DPP6: variants seen among roughly 807,000 people sequenced by gnomAD.
The protein encoded by DPP6 is dipeptidyl peptidase like 6, also known as A-type potassium channel modulatory protein DPP6.
In DPP6, 69 loss-of-function variants were observed where a neutral mutation model predicts 122.6. That is an observed-to-expected ratio of 0.56 (90% CI 0.46 to 0.69). The LOEUF (loss-of-function observed/expected upper bound fraction) is 0.69, where lower values mean the gene tolerates loss of function less well. Among genes scored for constraint, DPP6 ranks in the 30% least tolerant of loss-of-function variants. DPP6 has a pLI of 0.00. For synonymous variants in DPP6, 418 were observed against 433.1 expected, an observed-to-expected ratio of 0.97 and a Z score of 0.43; for missense variants, 928 against 1,116.9, an observed-to-expected ratio of 0.83 and a Z score of 2.41.
chr7:154,293,875 G>C (rs1417902866), intron 1 of DPP6, among the ~76,000 whole-genome samples: 1 of 152,098 alleles, frequency 6.6e-6, no homozygotes, highest in Non-Finnish European at 1.5e-5. Context: ...TTCTCTCCCT[G>C]ATACACACAT....
intron 10 of DPP6, among the ~76,000 whole-genome samples, chr7:154,789,492 C>T (rs2150418233): frequency 6.6e-6 from 1 of 152,334 alleles, no homozygotes; most frequent in African/African-American, 2.4e-5. Context: ...TGTCTGGTTT[C>T]ACCAGTGCCA....
intron 1 of DPP6, among the ~76,000 whole-genome samples, chr7:154,022,246 C>T (rs1798739537): frequency 6.6e-6 from 1 of 152,162 alleles, no homozygotes. Context: ...TGTCACCAGA[C>T]TCTTTCTTAA....
rs968786032 is a variant in DPP6, at chr7:154,196,999, A to G, written c.243+143936A>G. 4.6e-5 allele frequency among the ~76,000 whole-genome samples: 7 copies of G among 151,886 alleles called. No individual in the cohort carries two copies. In the South Asian group the frequency reaches 6.2e-4, roughly 14 times the overall value. On this transcript the variant is annotated intron_variant, in intron 1 of 25. Coordinates refer to ENST00000377770, the MANE Select transcript of DPP6 (RefSeq NM_130797.4). Reference sequence around the variant, plus strand: ...TCTCCTCTTTAATCTCCAAGTTTCTATGTTTTGGGGCTCTGAGTCTCTTCT... The same window carrying G: ...TCTCCTCTTTAATCTCCAAGTTTCTGTGTTTTGGGGCTCTGAGTCTCTTCT...
In DPP6 at chr7:154,821,403, G is replaced by A. The variant is rs1238689463; in HGVS notation, c.1666+14291G>A. Among the ~76,000 whole-genome samples the A allele has an allele frequency of 6.6e-6, 1 of 151,712 alleles. No homozygotes were observed. Among genetic ancestry groups the A allele is most frequent in the Non-Finnish European group, 1.5e-5 (1 of 67,996 alleles). On this transcript the variant is annotated intron_variant, in intron 16 of 25. Coordinates refer to ENST00000377770, the MANE Select transcript of DPP6 (RefSeq NM_130797.4). The surrounding 1 kb of genome is among the most constrained non-coding windows in gnomAD (Gnocchi z 4.2). ...TTTGCCACTAGATCCAACATGGATAGACAGATAATAGATGAGAGGGAAATG... is the reference window on the plus strand; with the variant it reads ...TTTGCCACTAGATCCAACATGGATAAACAGATAATAGATGAGAGGGAAATG...
In DPP6 at chr7:154,644,777, C is replaced by T. The variant is rs531236107; in HGVS notation, c.680+6904C>T. ...AGGTTGAAGTGCAGTGGCGCGATCTCGGCTCACTTCACCCTCCACCTCCCA... is the reference window on the plus strand; with the variant it reads ...AGGTTGAAGTGCAGTGGCGCGATCTTGGCTCACTTCACCCTCCACCTCCCA... On this transcript the variant is annotated intron_variant, in intron 6 of 25. Coordinates refer to ENST00000377770, the MANE Select transcript of DPP6 (RefSeq NM_130797.4). Among the ~76,000 whole-genome samples, 27 of 149,536 alleles carry T rather than the reference C, an allele frequency of 1.8e-4. No individual in the cohort carries two copies. The South Asian group carries it at 5.3e-3, about 29-fold the overall frequency.
chr7:154,860,814 T>C (rs955066163), intron 17 of DPP6, among the ~76,000 whole-genome samples: 8 of 152,134 alleles, frequency 5.3e-5, no homozygotes, highest in African/African-American at 1.9e-4. Context: ...TCAGAAACAG[T>C]GGCCAGGACA....
At chr7:153,761,199 A>G in the DPP6 span, among the ~76,000 whole-genome samples, 2 of 152,160 alleles carry the variant, frequency 1.3e-5, no homozygotes, top group Non-Finnish European at 2.9e-5. Flanking sequence ...TATTTGTTTC[A>G]GGCAGGAGGA....
upstream of DPP6, among the ~76,000 whole-genome samples, chr7:154,047,711 C>T (rs1172930131): frequency 6.6e-6 from 1 of 152,232 alleles, no homozygotes; most frequent in African/African-American, 2.4e-5. Flanking sequence ...GATAAATATT[C>T]AGAGGGCAGC....
chr7:154,400,162 T>G (rs926078220), intron 1 of DPP6, among the ~76,000 whole-genome samples: 2 of 152,146 alleles, frequency 1.3e-5, no homozygotes, highest in Admixed American at 1.3e-4. Flanking sequence ...TGGAGTGTGG[T>G]CTGCATGCCC....
intron 4 of DPP6, among the ~76,000 whole-genome samples, chr7:154,559,770 T>C (rs1335672902): frequency 1.3e-5 from 2 of 151,700 alleles, no homozygotes. Flanking sequence ...AAAATAAACA[T>C]TAAGAATTTG....
intron 4 of DPP6, among the ~76,000 whole-genome samples, chr7:154,559,606 C>T (rs116449557): frequency 0.025 from 3,827 of 151,922 alleles, 65 homozygotes; most frequent in African/African-American, 0.041. Context: ...GCCAAAGGAG[C>T]GAGACGTGTT....
chr7:154,030,065 G>A lies in DPP6; in HGVS notation c.51+142331G>A, dbSNP rs141235046. 4.6e-3 allele frequency among the ~76,000 whole-genome samples: 696 copies of A among 152,088 alleles called. 5 individuals are homozygous for A. The highest frequency in any genetic ancestry group is 0.014 in the African/African-American group (565 of 41,456). ...ACAAGAATTAGCCAGGCGTGGCGGC[G>A]CACACCTGTAGTTCCAAGTACTCAG... is the stretch of plus-strand genomic sequence containing the variant. On this transcript the variant is annotated intron_variant, in intron 1 of 25. Coordinates refer to the DPP6 transcript ENST00000404039.
upstream of DPP6, among the ~76,000 whole-genome samples, chr7:154,051,958 A>C (rs1800359384): frequency 6.6e-6 from 1 of 151,748 alleles, no homozygotes; most frequent in South Asian, 2.1e-4. Flanking sequence ...GTGTTGCTTC[A>C]AGTTAGGCAA....
chr7:154,175,594 T>G (rs140965949), intron 1 of DPP6, among the ~76,000 whole-genome samples: 3,166 of 152,276 alleles, frequency 0.021, 41 homozygotes, highest in Middle Eastern at 0.041. Context: ...AGAACTATAG[T>G]GGGTGTTGCC....
Position 154,113,629 on chromosome 7 carries a change from G to C in DPP6, c.243+60566G>C, listed in dbSNP as rs529636926. Among the ~76,000 whole-genome samples, 12 of 151,120 alleles carry C rather than the reference G, an allele frequency of 7.9e-5. No individual in the cohort carries two copies. In the South Asian group the frequency reaches 2.5e-3, roughly 31 times the overall value. On this transcript the variant is annotated intron_variant, in intron 1 of 25. Coordinates refer to ENST00000377770, the MANE Select transcript of DPP6 (RefSeq NM_130797.4). ...CAAGATTTTTGCTTTTGTTTCTTGT[G>C]CTTTTGGTGTCATATCCAAGAAGTC...
intron 5 of DPP6, among the ~76,000 whole-genome samples, chr7:154,575,450 A>ATGTGTGTG (rs1831561437): frequency 1.9e-5 from 1 of 52,908 alleles, no homozygotes; most frequent in South Asian, 9.1e-4. Flanking sequence ...TGGTGTGTGT[A>ATGTGTGTG]TGTGTGTGNG....
intron 2 of DPP6, among the ~76,000 whole-genome samples, chr7:154,460,899 T>C (rs1352782309): frequency 6.6e-6 from 1 of 152,206 alleles, no homozygotes; most frequent in South Asian, 2.1e-4. Context: ...AATAAAGTAT[T>C]ATTGACTGTA....
intron 1 of DPP6, among the ~76,000 whole-genome samples, chr7:154,159,192 G>C (rs1397909037): frequency 6.6e-6 from 1 of 152,084 alleles, no homozygotes; most frequent in African/African-American, 2.4e-5. Flanking sequence ...TCCCATCCCC[G>C]AGCCCCTGCT....
intron 1 of DPP6, among the ~76,000 whole-genome samples, chr7:154,303,310 G>T (rs906601824): frequency 6.6e-6 from 1 of 152,136 alleles, no homozygotes; most frequent in African/African-American, 2.4e-5. Context: ...GTGTGTGAGG[G>T]GAGAGTGACT....
Sources: gnomAD v4.1 joint callset for allele counts (sites outside exome capture counted in the v4.1 genomes callset) on GRCh38, gnomAD v4.1.1 for gene constraint, Gnocchi (gnomAD v3.1) non-coding constraint, MANE v1.5 for transcripts, NCBI Gene and HGNC (gene_info 2026-07-23, HGNC 2026-07-21) for gene names.